LUZP2: variants seen among roughly 807,000 people sequenced by gnomAD.
LUZP2 encodes leucine zipper protein 2.
LUZP2 carries 52 observed loss-of-function variants against 51.6 expected under a neutral mutation model. The observed-to-expected ratio is 1.01, with a 90% confidence interval of 0.81 to 1.27. The LOEUF (loss-of-function observed/expected upper bound fraction) is 1.27, where lower values mean the gene tolerates loss of function less well. LUZP2 is among the 50% of genes most tolerant of loss of function. LUZP2 has a pLI of 0.00. For missense variants in LUZP2, 436 were observed against 395.4 expected (o/e 1.10, Z -0.87); for synonymous variants, 154 against 137.3 (o/e 1.12, Z -0.85).
chr11:24,917,722 G>A lies in LUZP2; in HGVS notation c.522+3184G>A, dbSNP rs1262112265. Among the ~76,000 whole-genome samples the A allele has an allele frequency of 3.3e-5, 5 of 152,136 alleles. 1 individual carries two copies. The highest frequency in any genetic ancestry group is 1.2e-4 in the African/African-American group (5 of 41,430). ...TCTGTTTTGGTACCAGTACCATGCT[G>A]TTTTGGTTACTGTAGCCTTGTAGTA... On this transcript the variant is annotated intron_variant, in intron 7 of 11. Transcript: ENST00000336930.
At chr11:24,558,739 A>C (rs1217915208) in intron 1 of LUZP2, among the ~76,000 whole-genome samples, 2 of 152,126 alleles carry the variant, frequency 1.3e-5, no homozygotes, top group Admixed American at 1.3e-4. Flanking sequence ...TTGAGGAAGC[A>C]GCTTTGTTCT....
At chr11:25,015,424 A>G (rs1256542275) in intron 9 of LUZP2, among the ~76,000 whole-genome samples, 1 of 152,136 alleles carries the variant, frequency 6.6e-6, no homozygotes, top group Non-Finnish European at 1.5e-5. Context: ...TTTTCTTACT[A>G]ATATCCTTTT....
chr11:24,963,243 C>G (rs190027889), intron 7 of LUZP2, among the ~76,000 whole-genome samples: 43 of 152,288 alleles, frequency 2.8e-4, no homozygotes, highest in South Asian at 1.9e-3. Context: ...GGCAGTCTGC[C>G]GGTTCTCAGA....
At chr11:24,992,981 A>G (rs1208305061) in intron 9 of LUZP2, among the ~76,000 whole-genome samples, 2 of 152,160 alleles carry the variant, frequency 1.3e-5, no homozygotes, top group Non-Finnish European at 2.9e-5. Context: ...AAAATATACA[A>G]TTACTTTTTA....
intron 7 of LUZP2, among the ~76,000 whole-genome samples, chr11:24,975,549 A>C (rs938117567): frequency 6.6e-5 from 10 of 152,096 alleles, no homozygotes; most frequent in African/African-American, 2.4e-4. Context: ...GAATGGATAA[A>C]TGGAACAATA....
intron 1 of LUZP2, among the ~76,000 whole-genome samples, chr11:24,531,756 A>G (rs1166423877): frequency 1.3e-5 from 2 of 151,014 alleles, no homozygotes; most frequent in Admixed American, 6.6e-5. Flanking sequence ...TGCCCAAGAG[A>G]AATTTCAAAA....
At chr11:24,665,069 G>T (rs1357394209) in intron 1 of LUZP2, among the ~76,000 whole-genome samples, 2 of 152,140 alleles carry the variant, frequency 1.3e-5, no homozygotes, top group Non-Finnish European at 2.9e-5. Context: ...AAGTAGCCAG[G>T]AGCATGGCTG....
intron 1 of LUZP2, among the ~76,000 whole-genome samples, chr11:24,541,788 A>T (rs1266845108): frequency 6.6e-6 from 1 of 152,136 alleles, no homozygotes; most frequent in Non-Finnish European, 1.5e-5. Context: ...AAGAATAATG[A>T]TAAGAACCTA....
At chr11:24,698,518 C>A (rs1452568506) in intron 1 of LUZP2, among the ~76,000 whole-genome samples, 1 of 152,112 alleles carries the variant, frequency 6.6e-6, no homozygotes, top group East Asian at 1.9e-4. Context: ...ATTTTGATCT[C>A]TCTTGTTTAA....
Position 25,040,343 on chromosome 11 carries a change from A to ATTTT in LUZP2, c.766-9678_766-9675dup, listed in dbSNP as rs57668112. On this transcript the variant is annotated intron_variant, in intron 9 of 11. Transcript: ENST00000336930. ...AGAGAGCCACTTTTCTTTCTTTCCGATTTTTTTTTTTTTTTTTTTTGCCAA... is the reference window on the plus strand; with the variant it reads ...AGAGAGCCACTTTTCTTTCTTTCCGATTTTTTTTTTTTTTTTTTTTTTTTGCCAA... Among the ~76,000 whole-genome samples, 340 of 98,792 alleles carry ATTTT rather than the reference A, an allele frequency of 3.4e-3. 72 individuals carry two copies. Among genetic ancestry groups the ATTTT allele is most frequent in the African/African-American group, 0.017 (300 of 17,176 alleles). The allele number at this position is 98,792 out of a possible 152,430, so 64.8% of individuals were successfully genotyped here.
intron 7 of LUZP2, among the ~76,000 whole-genome samples, chr11:24,937,405 G>A (rs1000659735): frequency 6.6e-6 from 1 of 151,808 alleles, no homozygotes; most frequent in African/African-American, 2.4e-5. Context: ...ATATGAATGA[G>A]ATGAAAAAAA....
chr11:24,776,391 A>G (rs1848925835), intron 5 of LUZP2, among the ~76,000 whole-genome samples: 1 of 152,192 alleles, frequency 6.6e-6, no homozygotes, highest in African/African-American at 2.4e-5. Flanking sequence ...GCTAAGCCTG[A>G]GTCACATTTC....
intron 1 of LUZP2, among the ~76,000 whole-genome samples, chr11:24,566,743 A>C (rs889391795): frequency 5.9e-4 from 87 of 146,528 alleles, no homozygotes; most frequent in Non-Finnish European, 5.4e-4. Context: ...ATTTATATAT[A>C]ATGTATGTAT....
intron 1 of LUZP2, among the ~76,000 whole-genome samples, chr11:24,571,083 G>A (rs931939674): frequency 6.6e-6 from 1 of 152,012 alleles, no homozygotes; most frequent in African/African-American, 2.4e-5. Context: ...AAATAATCTT[G>A]CAACTTAAGC....
chr11:25,028,929 C>A (rs1857571506), intron 9 of LUZP2, among the ~76,000 whole-genome samples: 1 of 152,014 alleles, frequency 6.6e-6, no homozygotes, highest in African/African-American at 2.4e-5. Context: ...AAAAGCTAAA[C>A]AAAAGGCAAC....
chr11:25,073,046 A>G (rs1470889749), intron 10 of LUZP2, among the ~76,000 whole-genome samples: 1 of 152,060 alleles, frequency 6.6e-6, no homozygotes, highest in Non-Finnish European at 1.5e-5. Context: ...ACACACTTTA[A>G]AAAGGGGGTG....
intron 8 of LUZP2, among the ~76,000 whole-genome samples, chr11:24,978,251 C>A (rs1022451325): frequency 3.3e-5 from 5 of 151,758 alleles, no homozygotes; most frequent in Non-Finnish European, 1.5e-5. Context: ...AAGCTAATCT[C>A]TGACCATATC....
At chr11:24,951,515 T>G (rs1204094114) in intron 7 of LUZP2, among the ~76,000 whole-genome samples, 1 of 151,598 alleles carries the variant, frequency 6.6e-6, no homozygotes, top group Non-Finnish European at 1.5e-5. Flanking sequence ...TATAAGCATT[T>G]ACGATTGTGT....
chr11:24,719,134 A>G (rs1858167281), intron 1 of LUZP2, among the ~76,000 whole-genome samples: 1 of 152,244 alleles, frequency 6.6e-6, no homozygotes, highest in South Asian at 2.1e-4. Flanking sequence ...AAGTTGATCC[A>G]GTTAGAATTT....
Sources: gnomAD v4.1 joint callset for allele counts (sites outside exome capture counted in the v4.1 genomes callset) on GRCh38, gnomAD v4.1.1 for gene constraint, MANE v1.5 for transcripts, NCBI Gene and HGNC (gene_info 2026-07-23, HGNC 2026-07-21) for gene names.